Variants in CCNK observed in about 807,000 individuals in gnomAD.
CCNK encodes the protein cyclin K, also known as cyclin-K.
In CCNK, 9 loss-of-function variants were observed where a neutral mutation model predicts 65.0. The ratio of observed to expected loss-of-function variants is 0.14; its 90% CI spans 0.08 to 0.24. CCNK has a LOEUF of 0.24. Among genes scored for constraint, CCNK ranks in the 10% least tolerant of loss-of-function variants. The pLI is 1.00. For missense variants in CCNK, 474 were observed against 720.0 expected (o/e 0.66, Z 3.91); for synonymous variants, 279 against 270.8 (o/e 1.03, Z -0.30).
Position 99,502,252 on chromosome 14 carries a change from A to G in CCNK, c.621A>G (p.Ala207=), listed in dbSNP as rs749328034. 6.2e-6 allele frequency: 10 copies of G among 1,605,782 alleles called. No individual in the cohort carries two copies. The highest frequency in any genetic ancestry group is 8.5e-6 in the Non-Finnish European group (10 of 1,175,944). ...TGCAGTGGGAACCAGAGATCATAGC[A>G]GTAGCAGTGATGTATCTCGCAGGAC... ...LSLQWEPEII[A]VAVMYLAGRL... Residue 207 remains alanine, a synonymous_variant, in exon 7 of 11, where the codon GCA becomes GCG. Transcript: ENST00000389879.
chr14:99,503,910 T>C, intron 9 of CCNK: 1 of 481,096 alleles, frequency 2.1e-6, no homozygotes. Flanking sequence ...TAATTATGGC[T>C]GTAGGAGAAC....
chr14:99,482,385 C>A (rs1305903468), intron 1 of CCNK, among the ~76,000 whole-genome samples: 1 of 152,176 alleles, frequency 6.6e-6, no homozygotes, highest in Non-Finnish European at 1.5e-5. Context: ...GAGCTTTCAG[C>A]GCCTAGAACA....
chr14:99,482,589 G>GT lies in CCNK; in HGVS notation c.-53+1117dup, dbSNP rs560663638. ...GTGACCACCGCTGGTGTCTTTTAGG[G>GT]TTTTTTTCCCTCTTTTATCTCATTT... On this transcript the variant is annotated intron_variant, in intron 1 of 10. Transcript: ENST00000389879. Among the ~76,000 whole-genome samples, 371 of 152,172 alleles carry GT rather than the reference G, an allele frequency of 2.4e-3. 1 individual carries two copies. Among genetic ancestry groups the GT allele is most frequent in the African/African-American group, 8.6e-3 (357 of 41,506 alleles).
At chr14:99,506,024 G>A (rs1896964509) in intron 9 of CCNK, 1 of 151,370 alleles carries the variant, frequency 6.6e-6, no homozygotes, top group Admixed American at 6.5e-5. Context: ...ATAGGATACA[G>A]AGGCAAAAGG....
chr14:99,483,419 G>A (rs1896405268), intron 1 of CCNK, among the ~76,000 whole-genome samples: 1 of 152,208 alleles, frequency 6.6e-6, no homozygotes, highest in Non-Finnish European at 1.5e-5. Flanking sequence ...CAGATGTGGA[G>A]GTGCATGCCT....
chr14:99,482,181 G>A (rs537090273), intron 1 of CCNK, among the ~76,000 whole-genome samples: 1 of 152,220 alleles, frequency 6.6e-6, no homozygotes, highest in Non-Finnish European at 1.5e-5. Context: ...CGGAGCTTTC[G>A]CTAAGTCATC....
At chr14:99,498,934 G>A (rs1896759977) in intron 4 of CCNK, among the ~76,000 whole-genome samples, 1 of 152,210 alleles carries the variant, frequency 6.6e-6, no homozygotes, top group Admixed American at 6.5e-5. Context: ...GCTACAGCCT[G>A]CAAGCCAATT....
At chr14:99,481,687 G>C (rs1896329220) in intron 1 of CCNK, 2 of 387,492 alleles carry the variant, frequency 5.2e-6, no homozygotes, top group African/African-American at 2.1e-5. Flanking sequence ...GCGCCGGGGC[G>C]GGGCAGGGAG....
Position 99,500,889 on chromosome 14 carries a change from A to G in CCNK, c.517+18A>G, listed in dbSNP as rs750167304. ...ACTCAAAGGTAAGAAGAAAGTTTTC[A>G]GAAGAATTTTTTCATTCTGAAATCA... On this transcript the variant is annotated intron_variant, in intron 5 of 10. Transcript: ENST00000389879. 5.0e-6 allele frequency: 7 copies of G among 1,408,336 alleles called. No individual in the cohort carries two copies. The Admixed American group carries it at 1.6e-4, about 33-fold the overall frequency. The allele number at this position is 1,408,336 out of a possible 1,614,324, so 87.2% of individuals were successfully genotyped here. A position where few individuals can be genotyped will look rare whatever the true frequency, so the allele number is the denominator to read the frequency against.
intron 5 of CCNK, 64 bp downstream of exon 5, chr14:99,500,935 A>G: frequency 1.0e-6 from 1 of 982,668 alleles, no homozygotes; most frequent in South Asian, 1.5e-5. Flanking sequence ...ATTTGATGAC[A>G]CTCAAATTAC....
chr14:99,495,820 G>A (rs1896688964), intron 4 of CCNK, among the ~76,000 whole-genome samples, 191 bp downstream of exon 4: 1 of 152,176 alleles, frequency 6.6e-6, no homozygotes, highest in African/African-American at 2.4e-5. Context: ...CACTTACTCA[G>A]TGCTTCCTTA....
chr14:99,510,864 G>T lies in CCNK; in HGVS notation c.*82G>T. On this transcript the variant is annotated 3_prime_UTR_variant, in exon 11 of 11. Transcript: ENST00000389879. ...AGTAGTTGAAGTGGGTAAGCAGCAG[G>T]GTACCTTGTATAATGCACGACAGTT... 8.1e-7 allele frequency: 1 copy of T among 1,231,918 alleles called. No individual in the cohort carries two copies. The highest frequency in any genetic ancestry group is 2.4e-5 in the South Asian group (1 of 41,522). 76.3% of individuals were successfully genotyped at this position (1,231,918 alleles called of 1,614,324 possible). A position where few individuals can be genotyped will look rare whatever the true frequency, so the allele number is the denominator to read the frequency against.
At chr14:99,502,414 A>G in intron 7 of CCNK, 38 bp downstream of exon 7, 1 of 1,599,122 alleles carries the variant, frequency 6.3e-7, no homozygotes, top group Non-Finnish European at 8.5e-7. Flanking sequence ...AGGGTGTTCC[A>G]TGTTGAGATG....
rs546343701 is a variant in CCNK, at chr14:99,484,239, T to C, written c.-53+2760T>C. Among the ~76,000 whole-genome samples, 5 of 152,380 alleles carry C rather than the reference T, an allele frequency of 3.3e-5. No individual in the cohort carries two copies. In the East Asian group the frequency reaches 7.7e-4, roughly 24 times the overall value. ...TGCTAGCTGTGAATTAGTCAGGTTG[T>C]TTCGTGTCTCTGGCTCCATTTTCTC... is the stretch of plus-strand genomic sequence containing the variant. On this transcript the variant is annotated intron_variant, in intron 1 of 10. Transcript: ENST00000389879.
At chr14:99,499,604 C>T (rs1896776863) in intron 4 of CCNK, among the ~76,000 whole-genome samples, 1 of 152,194 alleles carries the variant, frequency 6.6e-6, no homozygotes, top group Non-Finnish European at 1.5e-5. Flanking sequence ...AAATTGTCCT[C>T]CCCGCACACA....
In CCNK at chr14:99,492,888, C is replaced by G. The variant is rs1372034601; in HGVS notation, c.197+14C>G. 3.2e-6 allele frequency: 5 copies of G among 1,564,558 alleles called. No individual in the cohort carries two copies. Among genetic ancestry groups the G allele is most frequent in the Non-Finnish European group, 4.3e-6 (5 of 1,164,192 alleles). ...ACGTTTGGGGCTGTATCCTGACTCT[C>G]CTTGGAATCTGTTACAGATAGGCTC... On this transcript the variant is annotated intron_variant, in intron 2 of 10. Coordinates refer to ENST00000389879, the MANE Select transcript of CCNK (RefSeq NM_001099402.2).
intron 7 of CCNK, 166 bp downstream of exon 7, chr14:99,502,542 C>G: frequency 7.7e-7 from 1 of 1,300,172 alleles, no homozygotes; most frequent in Non-Finnish European, 1.0e-6. Context: ...TGTCCAAACA[C>G]ATACTTTTGG....
Position 99,502,909 on chromosome 14 carries a change from G to A in CCNK, c.936G>A (p.Gln312=), listed in dbSNP as rs756058163. Residue 312 remains glutamine, a synonymous_variant, in exon 8 of 11, where the codon CAG becomes CAA. Coordinates refer to ENST00000389879, the MANE Select transcript of CCNK (RefSeq NM_001099402.2). ...AGAAGGACCCCCAGCAACCAGCCCA[G>A]CAGCAGCAGCCAGCCCAACAGCCCA... ...PQQKDPQQPA[Q]QQQPAQQPKK... 9.3e-6 allele frequency: 15 copies of A among 1,613,064 alleles called. No homozygotes were observed. Among genetic ancestry groups the A allele is most frequent in the Non-Finnish European group, 1.3e-5 (15 of 1,179,388 alleles).
intron 9 of CCNK, 110 bp downstream of exon 9, chr14:99,503,754 T>G: frequency 1.1e-6 from 1 of 921,344 alleles, no homozygotes; most frequent in East Asian, 2.7e-5. Flanking sequence ...AAATCTTAAC[T>G]TTAGAGCTCA....
Sources: gnomAD v4.1 joint callset for allele counts (sites outside exome capture counted in the v4.1 genomes callset) on GRCh38, gnomAD v4.1.1 for gene constraint, MANE v1.5 for transcripts, NCBI Gene and HGNC (gene_info 2026-07-23, HGNC 2026-07-21) for gene names.